Variants in SOX5 observed in about 807,000 individuals in gnomAD.
SOX5 encodes the protein SRY-box transcription factor 5.
Under a neutral mutation model 92.0 loss-of-function variants are expected in SOX5, and 9 were observed. That is an observed-to-expected ratio of 0.10 (90% confidence interval 0.06 to 0.17). The LOEUF is 0.17. Among genes scored for constraint, SOX5 ranks in the 10% least tolerant of loss-of-function variants. The pLI is 1.00. For synonymous variants in SOX5, 344 were observed against 336.3 expected (o/e 1.02, Z -0.25); for missense variants, 642 against 944.5 (o/e 0.68, Z 4.20).
intron 4 of SOX5, among the ~76,000 whole-genome samples, chr12:23,745,186 A>AC (rs1420655429): frequency 2.6e-5 from 4 of 152,154 alleles, no homozygotes; most frequent in African/African-American, 9.7e-5. Context: ...GCAAATGATA[A>AC]CATAACATAA....
chr12:23,761,713 G>A (rs2094568233), intron 3 of SOX5, among the ~76,000 whole-genome samples: 1 of 152,038 alleles, frequency 6.6e-6, no homozygotes, highest in South Asian at 2.1e-4. Flanking sequence ...TGAAATTGTA[G>A]TTCTATTTTA....
At chr12:24,200,080 C>T (rs1378029697) in intron 4 of SOX5, among the ~76,000 whole-genome samples, 1 of 152,168 alleles carries the variant, frequency 6.6e-6, no homozygotes, top group African/African-American at 2.4e-5. Context: ...CATCAAAAGA[C>T]CCACAACACT....
chr12:23,693,050 A>G (rs1488422292), intron 6 of SOX5, among the ~76,000 whole-genome samples: 1 of 152,028 alleles, frequency 6.6e-6, no homozygotes, highest in African/African-American at 2.4e-5. Flanking sequence ...CAAGCTTTCT[A>G]TTTCCTTGTG....
chr12:24,372,449 C>A (rs763169944), intron 1 of SOX5, among the ~76,000 whole-genome samples: 5 of 152,180 alleles, frequency 3.3e-5, no homozygotes, highest in Non-Finnish European at 7.3e-5. Context: ...CATGTCCCTG[C>A]CAAGGACATG....
intron 1 of SOX5, among the ~76,000 whole-genome samples, chr12:24,492,583 A>G (rs1175575109): frequency 6.6e-6 from 1 of 152,180 alleles, no homozygotes; most frequent in Non-Finnish European, 1.5e-5. Context: ...CAATGATTCA[A>G]TCCCCTCAAG....
rs1175490118 is a variant in SOX5, at chr12:23,930,755, C to T, written c.38+18809G>A. Among the ~76,000 whole-genome samples the T allele has an allele frequency of 3.3e-5, 5 of 151,684 alleles. No individual in the cohort carries two copies. In the South Asian group the frequency reaches 1.0e-3, roughly 31 times the overall value. On this transcript the variant is annotated intron_variant, in intron 1 of 14. Coordinates refer to ENST00000451604, the MANE Select transcript of SOX5 (RefSeq NM_006940.6). ...GTTAAAGAATTTACCCAAGGGAACT[C>T]GTCTTGCATATGGTAGAACCAGACT...
intron 9 of SOX5, among the ~76,000 whole-genome samples, chr12:23,596,532 G>A (rs1489157476): frequency 1.3e-5 from 2 of 152,268 alleles, no homozygotes; most frequent in South Asian, 4.1e-4. Context: ...TTAGTTTCAC[G>A]TATCAAGTCT....
chr12:24,499,681 T>G (rs1487528450), intron 1 of SOX5, among the ~76,000 whole-genome samples: 1 of 152,024 alleles, frequency 6.6e-6, no homozygotes, highest in East Asian at 1.9e-4. Flanking sequence ...AAAGGCTGAT[T>G]TAATAGTCCT....
intron 2 of SOX5, among the ~76,000 whole-genome samples, chr12:24,339,966 T>C (rs1475670110): frequency 6.6e-6 from 1 of 152,194 alleles, no homozygotes; most frequent in Non-Finnish European, 1.5e-5. Context: ...TGTGAGGGCA[T>C]GGGGCAGGGT....
At chr12:23,726,399 T>G (rs938831794) in intron 6 of SOX5, among the ~76,000 whole-genome samples, 8 of 152,262 alleles carry the variant, frequency 5.3e-5, no homozygotes, top group African/African-American at 1.4e-4. Flanking sequence ...TTGTTAACTC[T>G]TTTCAAAGAC....
chr12:23,623,795 C>T (rs2077447621), intron 8 of SOX5, among the ~76,000 whole-genome samples: 1 of 151,968 alleles, frequency 6.6e-6, no homozygotes, highest in Admixed American at 6.6e-5. Flanking sequence ...AAAAAAGAAA[C>T]ATACAATTAC....
intron 3 of SOX5, among the ~76,000 whole-genome samples, chr12:23,794,601 G>A (rs1049163871): frequency 5.9e-5 from 9 of 152,004 alleles, no homozygotes; most frequent in African/African-American, 1.4e-4. Flanking sequence ...AATCAACGTA[G>A]CAAAAACAAA....
intron 4 of SOX5, among the ~76,000 whole-genome samples, chr12:24,052,336 A>G (rs1459247120): frequency 2.0e-5 from 3 of 152,206 alleles, no homozygotes; most frequent in Admixed American, 2.0e-4. Flanking sequence ...AGTGAAATAA[A>G]TTTTTAAGAA....
chr12:24,406,591 A>G (rs752803414), intron 1 of SOX5, among the ~76,000 whole-genome samples: 1 of 152,182 alleles, frequency 6.6e-6, no homozygotes. Flanking sequence ...CAGTAGTCCA[A>G]CTCAAAACTG....
At chr12:24,264,804 A>G (rs2140280417) in intron 3 of SOX5, among the ~76,000 whole-genome samples, 1 of 152,358 alleles carries the variant, frequency 6.6e-6, no homozygotes, top group South Asian at 2.1e-4. Flanking sequence ...AGAGTGGTAG[A>G]GGGATTTGAG....
At chr12:23,629,490 G>C (rs1412845568) in intron 8 of SOX5, among the ~76,000 whole-genome samples, 1 of 151,982 alleles carries the variant, frequency 6.6e-6, no homozygotes, top group Non-Finnish European at 1.5e-5. Context: ...AAATTAAGGA[G>C]CTGGAATAGA....
chr12:24,391,852 T>C (rs545186079), intron 1 of SOX5, among the ~76,000 whole-genome samples: 113 of 152,342 alleles, frequency 7.4e-4, no homozygotes, highest in African/African-American at 2.6e-3. Context: ...TCCTTCATTT[T>C]AAATTCAGGG....
chr12:23,731,340 G>A (rs1468940029), intron 6 of SOX5, among the ~76,000 whole-genome samples: 1 of 152,246 alleles, frequency 6.6e-6, no homozygotes, highest in South Asian at 2.1e-4. Flanking sequence ...CAATCACCCA[G>A]TAAGTCCCCT....
At chr12:24,525,484 G>C (rs761056451) in intron 1 of SOX5, among the ~76,000 whole-genome samples, 19 of 152,176 alleles carry the variant, frequency 1.2e-4, no homozygotes, top group Non-Finnish European at 1.5e-5. Context: ...GTTAAAAATA[G>C]TGTATTGTGC....
Sources: allele counts gnomAD v4.1 joint callset (sites outside exome capture counted in the v4.1 genomes callset), GRCh38; gene constraint gnomAD v4.1.1; transcripts MANE v1.5; gene names NCBI Gene and HGNC (gene_info 2026-07-23, HGNC 2026-07-21).